Variants in ZBTB20 observed in about 807,000 individuals in gnomAD.
ZBTB20 encodes the protein zinc finger and BTB domain containing 20.
ZBTB20 carries 9 observed loss-of-function variants against 56.9 expected under a neutral mutation model. The observed-to-expected ratio is 0.16, with a 90% CI of 0.10 to 0.28. The LOEUF (loss-of-function observed/expected upper bound fraction) is 0.28. Ranked by LOEUF, ZBTB20 falls within the 10% of genes least tolerant of loss-of-function variation. ZBTB20 has a pLI of 1.00. For synonymous variants in ZBTB20, 417 were observed against 420.7 expected (o/e 0.99, Z 0.11); for missense variants, 655 against 1,003.0 (o/e 0.65, Z 4.69).
intron 2 of ZBTB20, among the ~76,000 whole-genome samples, chr3:114,989,772 T>C (rs1333941861): frequency 1.3e-5 from 2 of 152,204 alleles, no homozygotes; most frequent in African/African-American, 4.8e-5. Flanking sequence ...TCCTCTTTTA[T>C]TTCGTTGAGC....
chr3:114,807,748 T>C (rs1347781852), intron 4 of ZBTB20, among the ~76,000 whole-genome samples: 2 of 152,130 alleles, frequency 1.3e-5, no homozygotes, highest in Non-Finnish European at 2.9e-5. Flanking sequence ...TCTATTGAAA[T>C]GGTCATGTGT....
intron 6 of ZBTB20, chr3:114,519,141 T>G (rs1349556319): frequency 6.6e-6 from 1 of 152,172 alleles, no homozygotes; most frequent in Non-Finnish European, 1.5e-5. Context: ...TAAGGCAGGC[T>G]CAGAGAGAGC....
In ZBTB20 at chr3:114,321,549, A is replaced by G. The variant is rs1356777072; in HGVS notation, c.*17456T>C. On this transcript the variant is annotated 3_prime_UTR_variant, in exon 12 of 12. Transcript: ENST00000675478. ...ATGGCAGGGGCTCTTTACGTTAACT[A>G]TACCTAACTGATGACTAATTCACAC... The G allele has an allele frequency of 6.6e-6, 1 of 152,184 alleles. No individual in the cohort carries two copies. The highest frequency in any genetic ancestry group is 1.5e-5 in the Non-Finnish European group (1 of 68,042). The allele number at this position is 152,184 out of a possible 1,614,324, so 9.4% of individuals were successfully genotyped here.
intron 4 of ZBTB20, among the ~76,000 whole-genome samples, chr3:114,828,115 T>C (rs2073641737): frequency 6.6e-6 from 1 of 151,804 alleles, no homozygotes; most frequent in African/African-American, 2.4e-5. Flanking sequence ...ATAATTTATA[T>C]ACCTATTGGA....
intron 1 of ZBTB20, among the ~76,000 whole-genome samples, chr3:115,136,178 C>A (rs2084647902): frequency 6.6e-6 from 1 of 151,994 alleles, no homozygotes. Context: ...GAATTTTTGC[C>A]ATGATAGAAT....
chr3:114,491,158 A>G (rs1310439144), intron 7 of ZBTB20, among the ~76,000 whole-genome samples: 1 of 152,250 alleles, frequency 6.6e-6, no homozygotes, highest in Admixed American at 6.5e-5. Context: ...GGCCTCAGCT[A>G]GAACCAAAAC....
Position 114,969,298 on chromosome 3 carries a change from T to C in ZBTB20, c.-456+5068A>G, listed in dbSNP as rs78711830. ...AGCTAGTCTCCTCTAGTATTATTTG[T>C]GCAATTGTGGAGAGAAAAATCCCTA... is the stretch of plus-strand genomic sequence containing the variant. On this transcript the variant is annotated intron_variant, in intron 3 of 11. Transcript: ENST00000675478. 5.9e-3 allele frequency among the ~76,000 whole-genome samples: 894 copies of C among 152,284 alleles called. 12 individuals carry two copies. Among genetic ancestry groups the C allele is most frequent in the African/African-American group, 0.021 (866 of 41,564 alleles).
intron 4 of ZBTB20, among the ~76,000 whole-genome samples, chr3:114,858,166 T>C (rs1293907537): frequency 6.6e-6 from 1 of 152,220 alleles, no homozygotes; most frequent in East Asian, 1.9e-4. Context: ...TAGGCATTTT[T>C]CACTTGCATA....
intron 4 of ZBTB20, among the ~76,000 whole-genome samples, chr3:114,878,576 A>T (rs1405522494): frequency 3.0e-4 from 1 of 3,322 alleles, no homozygotes; most frequent in Non-Finnish European, 2.3e-3. Flanking sequence ...TTGGAGAATT[A>T]AAAAAAAAAA....
chr3:115,029,304 T>C (rs1252011740), intron 2 of ZBTB20, among the ~76,000 whole-genome samples: 1 of 146,194 alleles, frequency 6.8e-6, no homozygotes, highest in East Asian at 2.0e-4. Context: ...TTCATAAATT[T>C]AATGCAACCA....
chr3:114,938,442 G>T (rs1266621319), intron 3 of ZBTB20, among the ~76,000 whole-genome samples: 1 of 146,176 alleles, frequency 6.8e-6, no homozygotes, highest in Non-Finnish European at 1.5e-5. Context: ...ATCAATGATA[G>T]ACTGGATAAA....
At chr3:114,808,713 G>A (rs2072302877) in intron 4 of ZBTB20, among the ~76,000 whole-genome samples, 1 of 151,692 alleles carries the variant, frequency 6.6e-6, no homozygotes, top group Non-Finnish European at 1.5e-5. Context: ...CCTTCCTTCT[G>A]TTCAAACAGA....
At chr3:114,613,780 C>T (rs1433172077) in intron 6 of ZBTB20, among the ~76,000 whole-genome samples, 1 of 152,002 alleles carries the variant, frequency 6.6e-6, no homozygotes, top group Non-Finnish European at 1.5e-5. Context: ...GGTGTCTGTG[C>T]ATGTAGGTTT....
intron 1 of ZBTB20, among the ~76,000 whole-genome samples, chr3:115,085,015 T>C (rs767736082): frequency 6.2e-4 from 94 of 152,108 alleles, no homozygotes; most frequent in Non-Finnish European, 1.2e-3. Flanking sequence ...CAAGGAATAC[T>C]GAAATTGGAG....
chr3:114,364,980 C>T (rs976327377), intron 10 of ZBTB20, among the ~76,000 whole-genome samples: 5 of 152,112 alleles, frequency 3.3e-5, no homozygotes, highest in Admixed American at 6.5e-5. Flanking sequence ...GATGTGCCGG[C>T]GCCTGGTGTG....
intron 1 of ZBTB20, among the ~76,000 whole-genome samples, chr3:115,074,342 T>C (rs1443091244): frequency 2.0e-5 from 3 of 152,054 alleles, no homozygotes; most frequent in African/African-American, 7.2e-5. Context: ...AACTTGATAG[T>C]GGGTTGGTAG....
intron 2 of ZBTB20, among the ~76,000 whole-genome samples, chr3:115,005,015 ATG>A (rs1415400852): frequency 6.6e-6 from 1 of 151,098 alleles, no homozygotes; most frequent in Non-Finnish European, 1.5e-5. Context: ...GAGTGTGTGT[ATG>A]TGTGTGTGTG....
At position 114,339,016 on chromosome 3, in the gene ZBTB20, A is replaced by G. The variant is rs776151634; in HGVS notation, c.2215T>C (p.Ser739Pro). The stretch of plus-strand genomic sequence containing the variant: ...GAGAAAGATACTACTTATCCGTCAG[A>G]CACATGCATCCTCATGTGGTCGTTG... ...QFNDHMRMHV[S>P]DG Residue 739 changes from serine to proline, a missense_variant, in exon 12 of 12, where the codon TCT (serine) becomes CCT (proline). Transcript: ENST00000675478. This position sits in a 1 kb window ranked among gnomAD's most constrained non-coding sequence, Gnocchi z 4.2. 6.6e-7 allele frequency: 1 copy of G among 1,508,594 alleles called. No individual in the cohort carries two copies. The highest frequency in any genetic ancestry group is 2.3e-5 in the East Asian group (1 of 43,770). 93.5% of individuals were successfully genotyped at this position (1,508,594 alleles called of 1,614,324 possible).
chr3:115,094,230 C>G (rs2083298788), intron 1 of ZBTB20, among the ~76,000 whole-genome samples: 1 of 151,618 alleles, frequency 6.6e-6, no homozygotes, highest in South Asian at 2.1e-4. Flanking sequence ...GTACAAGTAA[C>G]CAAGAAGTGG....
Sources: gnomAD v4.1 joint callset for allele counts (sites outside exome capture counted in the v4.1 genomes callset) on GRCh38, gnomAD v4.1.1 for gene constraint, Gnocchi (gnomAD v3.1) non-coding constraint, MANE v1.5 for transcripts, NCBI Gene and HGNC (gene_info 2026-07-23, HGNC 2026-07-21) for gene names.